The following TANGO6 variants were observed in gnomAD, a reference collection of about 807,000 sequenced individuals.
TANGO6 encodes transport and Golgi organization protein 6 homolog.
TANGO6 carries 90 observed loss-of-function variants against 114.2 expected under a neutral mutation model. The ratio of observed to expected loss-of-function variants is 0.79; its 90% confidence interval spans 0.66 to 0.94. TANGO6 has a LOEUF of 0.94. Ranked by LOEUF, TANGO6 falls within the 40% of genes least tolerant of loss-of-function variation. The pLI, the probability that TANGO6 is intolerant of heterozygous loss-of-function variation, is 0.00. For missense variants in TANGO6, 1,274 were observed against 1,315.3 expected, an observed-to-expected ratio of 0.97 and a Z score of 0.49; for synonymous variants, 477 against 509.8, an observed-to-expected ratio of 0.94 and a Z score of 0.87.
At chr16:68,945,433 G>A (rs546293476) in intron 14 of TANGO6, among the ~76,000 whole-genome samples, 14 of 152,224 alleles carry the variant, frequency 9.2e-5, no homozygotes, top group African/African-American at 3.1e-4. Context: ...TGGGCTTGTA[G>A]GGAATTATAC....
intron 15 of TANGO6, among the ~76,000 whole-genome samples, chr16:68,986,514 T>G (rs1440323082): frequency 6.6e-6 from 1 of 152,062 alleles, no homozygotes; most frequent in Admixed American, 6.6e-5. Context: ...AGCAATCACT[T>G]TACCCCTTCA....
In TANGO6 at chr16:68,902,325, C is replaced by T; in HGVS notation, c.1491-3C>T. On this transcript the variant is annotated splice_polypyrimidine_tract_variant and splice_region_variant and intron_variant, in intron 8 of 17. Coordinates refer to ENST00000261778, the MANE Select transcript of TANGO6 (RefSeq NM_024562.2). ...GCTCATTCATAACTGCTTTTTCTGC[C>T]AGGTCACTTTGCCAAGAAATCTTAT... 1.3e-5 allele frequency: 21 copies of T among 1,604,790 alleles called. No homozygotes were observed. Among genetic ancestry groups the T allele is most frequent in the Non-Finnish European group, 1.8e-5 (21 of 1,176,298 alleles).
At chr16:68,965,964 G>A (rs146488663) in intron 14 of TANGO6, among the ~76,000 whole-genome samples, 234 of 152,278 alleles carry the variant, frequency 1.5e-3, no homozygotes, top group African/African-American at 5.0e-3. Flanking sequence ...AGGTGTAGTG[G>A]CTCACGCCTG....
At chr16:68,849,929 T>A (rs1961874607) in intron 1 of TANGO6, among the ~76,000 whole-genome samples, 1 of 152,010 alleles carries the variant, frequency 6.6e-6, no homozygotes, top group African/African-American at 2.4e-5. Context: ...AGTTACAATT[T>A]TACTGTAATT....
At chr16:68,943,428 G>A (rs1214193988) in intron 14 of TANGO6, among the ~76,000 whole-genome samples, 11 of 149,140 alleles carry the variant, frequency 7.4e-5, no homozygotes, top group African/African-American at 2.7e-4. Context: ...CAGTGGCGCA[G>A]TCTTGGCTCC....
chr16:69,027,985 A>G (rs1959532813), intron 16 of TANGO6, among the ~76,000 whole-genome samples: 1 of 151,724 alleles, frequency 6.6e-6, no homozygotes, highest in Non-Finnish European at 1.5e-5. Flanking sequence ...TTTTTGAGAC[A>G]GAGTCTCACT....
chr16:69,024,221 G>A (rs937007294), intron 16 of TANGO6, among the ~76,000 whole-genome samples: 1 of 150,988 alleles, frequency 6.6e-6, no homozygotes, highest in Admixed American at 6.6e-5. Flanking sequence ...ATTAATTAAT[G>A]AAATGTGCGT....
chr16:68,888,455 G>A (rs965997612), intron 7 of TANGO6, among the ~76,000 whole-genome samples: 4 of 152,096 alleles, frequency 2.6e-5, no homozygotes, highest in African/African-American at 9.7e-5. Context: ...TTCTGAAATG[G>A]GGAAAACGTT....
intron 1 of TANGO6, among the ~76,000 whole-genome samples, chr16:68,848,502 G>T (rs1215676998): frequency 6.7e-6 from 1 of 149,814 alleles, no homozygotes; most frequent in Non-Finnish European, 1.5e-5. Flanking sequence ...TTCTAGTGCA[G>T]AGACAATACA....
chr16:69,018,579 A>G (rs1959346318), intron 15 of TANGO6, among the ~76,000 whole-genome samples: 1 of 151,622 alleles, frequency 6.6e-6, no homozygotes, highest in South Asian at 2.1e-4. Flanking sequence ...GTCTTAGTAT[A>G]TGTCCTTTCT....
At chr16:68,891,601 C>T (rs934058888) in intron 7 of TANGO6, among the ~76,000 whole-genome samples, 3 of 152,012 alleles carry the variant, frequency 2.0e-5, no homozygotes, top group African/African-American at 7.2e-5. Flanking sequence ...TTTTCTTTCT[C>T]TTTTAAATTT....
chr16:69,043,879 C>A (rs769348470), intron 17 of TANGO6, among the ~76,000 whole-genome samples: 1 of 152,124 alleles, frequency 6.6e-6, no homozygotes, highest in Non-Finnish European at 1.5e-5. Context: ...CTTGTGGATG[C>A]GTCAGCCAAG....
chr16:68,882,603 G>A (rs1962480035), intron 7 of TANGO6, among the ~76,000 whole-genome samples: 1 of 152,098 alleles, frequency 6.6e-6, no homozygotes, highest in African/African-American at 2.4e-5. Flanking sequence ...ATGACGGAAA[G>A]GTTCTAAAAT....
At chr16:68,848,980 A>G (rs1242340214) in intron 1 of TANGO6, among the ~76,000 whole-genome samples, 2 of 151,922 alleles carry the variant, frequency 1.3e-5, no homozygotes, top group South Asian at 2.1e-4. Context: ...TTTGAAAACA[A>G]CTCTCTCTAA....
intron 16 of TANGO6, among the ~76,000 whole-genome samples, chr16:69,029,110 T>C (rs1168224924): frequency 6.6e-6 from 1 of 152,250 alleles, no homozygotes; most frequent in African/African-American, 2.4e-5. Context: ...TATGATTTAC[T>C]ATCCAAAGTG....
At chr16:68,845,335 T>C (rs778390720) in intron 1 of TANGO6, among the ~76,000 whole-genome samples, 2 of 152,220 alleles carry the variant, frequency 1.3e-5, no homozygotes, top group Admixed American at 6.5e-5. Context: ...AATCATCTGT[T>C]ATGAAACATG....
At chr16:69,006,269 T>C (rs1171350798) in intron 15 of TANGO6, among the ~76,000 whole-genome samples, 1 of 152,136 alleles carries the variant, frequency 6.6e-6, no homozygotes, top group Non-Finnish European at 1.5e-5. Flanking sequence ...AAGCCTTTGG[T>C]CTCTGAGTTT....
chr16:68,980,092 C>T (rs537380462), intron 15 of TANGO6, among the ~76,000 whole-genome samples: 65 of 151,814 alleles, frequency 4.3e-4, no homozygotes, highest in Non-Finnish European at 8.1e-4. Context: ...GTGATCTGCC[C>T]GCCTCGGCCT....
At chr16:68,983,213 G>A (rs944934503) in intron 15 of TANGO6, among the ~76,000 whole-genome samples, 2 of 152,052 alleles carry the variant, frequency 1.3e-5, no homozygotes, top group African/African-American at 4.8e-5. Flanking sequence ...GAAATCCTTG[G>A]TGGAAAAACA....
Sources: allele counts gnomAD v4.1 joint callset (sites outside exome capture counted in the v4.1 genomes callset), GRCh38; gene constraint gnomAD v4.1.1; transcripts MANE v1.5; gene names NCBI Gene and HGNC (gene_info 2026-07-23, HGNC 2026-07-21).